FGD3: variants seen among roughly 807,000 people sequenced by gnomAD.
FGD3 encodes FYVE, RhoGEF and PH domain containing 3, also known as FYVE, RhoGEF and PH domain-containing protein 3.
Under a neutral mutation model 71.8 loss-of-function variants are expected in FGD3, and 45 were observed. The ratio of observed to expected loss-of-function variants is 0.63; its 90% CI spans 0.49 to 0.80. The LOEUF is 0.80. FGD3 is among the 30% of genes least tolerant of loss of function. FGD3 has a pLI of 0.00. For missense variants in FGD3, 844 were observed against 951.5 expected, an observed-to-expected ratio of 0.89 and a Z score of 1.49; for synonymous variants, 378 against 392.8, an observed-to-expected ratio of 0.96 and a Z score of 0.44.
chr9:92,987,564 C>T (rs1191537963), intron 3 of FGD3, among the ~76,000 whole-genome samples: 1 of 152,182 alleles, frequency 6.6e-6, no homozygotes, highest in East Asian at 1.9e-4. Context: ...CTCAGTTCTA[C>T]TCAGTGCAGA....
chr9:93,022,054 C>T (rs1013368173), intron 13 of FGD3, among the ~76,000 whole-genome samples: 39 of 152,056 alleles, frequency 2.6e-4, no homozygotes, highest in Admixed American at 2.3e-3. Context: ...TAAATTAGAG[C>T]CCCTGAATAG....
At chr9:93,027,722 T>C (rs866329509) in intron 14 of FGD3, among the ~76,000 whole-genome samples, 17 of 102,464 alleles carry the variant, frequency 1.7e-4, no homozygotes, top group Admixed American at 3.7e-4. Context: ...TTTCTTTTTT[T>C]TTTTTTTTTT....
intron 1 of FGD3, among the ~76,000 whole-genome samples, chr9:92,952,581 C>G (rs1238779036): frequency 6.6e-6 from 1 of 152,044 alleles, no homozygotes; most frequent in African/African-American, 2.4e-5. Flanking sequence ...CCATCCCATC[C>G]TCTACCCTCC....
intron 10 of FGD3, among the ~76,000 whole-genome samples, chr9:93,017,305 T>C (rs1861740019): frequency 6.6e-6 from 1 of 152,072 alleles, no homozygotes; most frequent in Admixed American, 6.6e-5. Flanking sequence ...TGAAACAACC[T>C]TAAAAAAAGG....
intron 6 of FGD3, among the ~76,000 whole-genome samples, chr9:93,006,747 GACAGAGTCTC>G: frequency 6.7e-6 from 1 of 149,724 alleles, no homozygotes. Flanking sequence ...TTTTTTTTGA[GACAGAGTCTC>G]ACTCTGTTGC....
chr9:93,026,213 T>C (rs1862108240), intron 14 of FGD3, among the ~76,000 whole-genome samples: 2 of 152,138 alleles, frequency 1.3e-5, no homozygotes, highest in African/African-American at 4.8e-5. Context: ...CTGGTGTGTT[T>C]TGGGCGCTTT....
chr9:92,967,438 C>G (rs1018144660), intron 1 of FGD3, among the ~76,000 whole-genome samples: 2 of 152,214 alleles, frequency 1.3e-5, no homozygotes, highest in Non-Finnish European at 2.9e-5. Context: ...TGGTTTCTGT[C>G]TCTGTGAATT....
At chr9:92,966,866 A>T (rs1026968799) in intron 1 of FGD3, among the ~76,000 whole-genome samples, 4 of 152,236 alleles carry the variant, frequency 2.6e-5, no homozygotes, top group Non-Finnish European at 5.9e-5. Flanking sequence ...AAAACTTCTC[A>T]TGAGAATCTT....
At chr9:93,027,720 T>TG (rs1424873817) in intron 14 of FGD3, among the ~76,000 whole-genome samples, 20 of 75,226 alleles carry the variant, frequency 2.7e-4, no homozygotes, top group Non-Finnish European at 5.0e-4. Context: ...TCTTTCTTTT[T>TG]TTTTTTTTTT....
intron 1 of FGD3, among the ~76,000 whole-genome samples, chr9:92,961,501 C>T (rs1587812043): frequency 6.6e-6 from 1 of 152,184 alleles, no homozygotes; most frequent in Non-Finnish European, 1.5e-5. Context: ...GTTGATACTT[C>T]CTGGTGGTTG....
In FGD3 at chr9:92,976,484, C is replaced by G. The variant is rs199713346; in HGVS notation, c.228C>G (p.Ser76Arg). The change falls in exon 3 of 18, where the codon AGC (serine) becomes AGG (arginine). Residue 76 changes from serine (S) to arginine (R), a missense_variant. By Grantham distance (110) the Ser-to-Arg change is moderately radical. Coordinates refer to ENST00000375482, the MANE Select transcript of FGD3 (RefSeq NM_001083536.2). ...SGSLKIPNRD[S>R]GIDSPSSSVA... ...GCTTAAAGATCCCCAACCGGGACAG[C>G]GGGATCGACAGTCCCTCCTCCAGTG... 4 of 1,611,892 alleles carry G rather than the reference C, an allele frequency of 2.5e-6. No homozygotes were observed. Among genetic ancestry groups the G allele is most frequent in the Non-Finnish European group, 3.4e-6 (4 of 1,179,554 alleles).
At chr9:93,018,327 C>G in intron 11 of FGD3, 112 bp downstream of exon 11, 1 of 998,454 alleles carries the variant, frequency 1.0e-6, no homozygotes, top group South Asian at 1.5e-5. Flanking sequence ...TTTAAAAGTA[C>G]TGTTACTGAA....
intron 6 of FGD3, among the ~76,000 whole-genome samples, chr9:93,009,948 G>A (rs1291084839): frequency 6.6e-6 from 1 of 152,222 alleles, no homozygotes; most frequent in African/African-American, 2.4e-5. Context: ...CTCTTGACAG[G>A]AGGAGACAGT....
intron 15 of FGD3, among the ~76,000 whole-genome samples, chr9:93,031,076 G>A (rs1862340194): frequency 6.6e-6 from 1 of 151,872 alleles, no homozygotes; most frequent in Admixed American, 6.6e-5. Context: ...TGGATGGATG[G>A]ATGGATGGGT....
Position 93,006,014 on chromosome 9 carries a change from C to T in FGD3, c.681-10C>T. 6.3e-7 allele frequency: 1 copy of T among 1,588,658 alleles called. No homozygotes were observed. Among genetic ancestry groups the T allele is most frequent in the Non-Finnish European group, 8.6e-7 (1 of 1,166,324 alleles). The stretch of plus-strand genomic sequence containing the variant: ...CAGCTATTTCTCTGATGATTCATTT[C>T]TCCACGAAGGGACACAAACCCACGG... On this transcript the variant is annotated splice_polypyrimidine_tract_variant and intron_variant, in intron 5 of 17. Coordinates refer to ENST00000375482, the MANE Select transcript of FGD3 (RefSeq NM_001083536.2).
At position 93,028,998 on chromosome 9, in the gene FGD3, T is replaced by TG. The variant is rs1564171869; in HGVS notation, c.1558-876_1558-875insG. Among the ~76,000 whole-genome samples the TG allele has an allele frequency of 3.9e-3, 64 of 16,294 alleles. 8 individuals carry two copies. The highest frequency in any genetic ancestry group is 0.025 in the Middle Eastern group (1 of 40). The allele number at this position is 16,294 out of a possible 152,430, so 10.7% of individuals were successfully genotyped here. On this transcript the variant is annotated intron_variant, in intron 14 of 17. Transcript: ENST00000375482. ...GGCTTCCTCACATGTCCTCACAGTT[T>TG]TTTTTTTTTTTTTTTTTTTTTTTTT...
intron 3 of FGD3, 39 bp downstream of exon 3, chr9:92,976,748 G>T (rs759850101): frequency 6.6e-7 from 1 of 1,513,632 alleles, no homozygotes; most frequent in Admixed American, 2.3e-5. Context: ...CGGGCTGCAG[G>T]CCTTTCCTTA....
At chr9:92,948,105 C>T (rs1328543453) in intron 1 of FGD3, among the ~76,000 whole-genome samples, 1 of 151,904 alleles carries the variant, frequency 6.6e-6, no homozygotes, top group Non-Finnish European at 1.5e-5. Flanking sequence ...TCCACCCTTC[C>T]CCATTCTTCC....
intron 10 of FGD3, 41 bp from the exon 11 acceptor site, chr9:93,018,095 C>A: frequency 1.3e-6 from 2 of 1,588,450 alleles, no homozygotes; most frequent in Non-Finnish European, 1.7e-6. Context: ...GCTAAAATGA[C>A]CAGCTTGGGT....
Sources: gnomAD v4.1 joint callset for allele counts (sites outside exome capture counted in the v4.1 genomes callset) on GRCh38, gnomAD v4.1.1 for gene constraint, MANE v1.5 for transcripts, NCBI Gene and HGNC (gene_info 2026-07-23, HGNC 2026-07-21) for gene names.